TTC6: variants seen among roughly 807,000 people sequenced by gnomAD.
TTC6 encodes the protein tetratricopeptide repeat domain 6, also known as tetratricopeptide repeat protein 6.
A neutral mutation model predicts 210.4 loss-of-function variants in TTC6; 172 were observed. That is an observed-to-expected ratio of 0.82 (90% CI 0.72 to 0.93). The LOEUF is 0.93. Among genes scored for constraint, TTC6 ranks in the 40% least tolerant of loss-of-function variants. The pLI, the probability that TTC6 is intolerant of heterozygous loss-of-function variation, is 0.00. For missense variants in TTC6, 2,414 were observed against 2,318.1 expected (o/e 1.04, Z -0.85); for synonymous variants, 804 against 819.6 (o/e 0.98, Z 0.32).
intron 22 of TTC6, among the ~76,000 whole-genome samples, chr14:37,806,754 C>A (rs1284731876): frequency 1.3e-5 from 2 of 151,992 alleles, no homozygotes; most frequent in African/African-American, 4.8e-5. Flanking sequence ...ATTAATGTGG[C>A]TATTAATAAT....
At chr14:37,754,026 A>C (rs2095960361) in intron 14 of TTC6, among the ~76,000 whole-genome samples, 1 of 152,040 alleles carries the variant, frequency 6.6e-6, no homozygotes, top group African/African-American at 2.4e-5. Context: ...GTATATAATC[A>C]CGTCTACTGA....
intron 6 of TTC6, among the ~76,000 whole-genome samples, chr14:37,724,693 T>C (rs1398131241): frequency 6.6e-6 from 1 of 152,148 alleles, no homozygotes; most frequent in African/African-American, 2.4e-5. Flanking sequence ...TCTACAAATT[T>C]CCCCAAGTCC....
Position 37,622,282 on chromosome 14 carries a change from C to A in TTC6, c.218C>A (p.Ser73Ter). ...GTTTCCTGCGCCGCAGCCCGGACGT[C>A]GAGAAGATACCCTTCGCTTAAAGGC... Residue 73 changes from serine (S) to a stop codon, truncating the protein, a stop_gained, in exon 1 of 31, where the codon TCG becomes TAG. Coordinates refer to ENST00000553443, the Ensembl canonical transcript of TTC6. LOFTEE classifies it high-confidence loss of function. 1 of 1,535,036 alleles carries A rather than the reference C, an allele frequency of 6.5e-7. No individual in the cohort carries two copies. The highest frequency in any genetic ancestry group is 8.7e-7 in the Non-Finnish European group (1 of 1,146,358).
chr14:37,826,269 C>T (rs2096171258), exon 28 of TTC6: 1 of 1,612,728 alleles, frequency 6.2e-7, no homozygotes. Flanking sequence ...ACTACCTAGC[C>T]TATGAAGGAA....
chr14:37,793,665 TG>T (rs2096085694), intron 17 of TTC6, among the ~76,000 whole-genome samples: 1 of 152,232 alleles, frequency 6.6e-6, no homozygotes, highest in African/African-American at 2.4e-5. Context: ...TAAGACCATC[TG>T]CGGAAGTTGG....
chr14:37,675,022 C>G (rs971647006), intron 1 of TTC6, among the ~76,000 whole-genome samples: 1 of 151,852 alleles, frequency 6.6e-6, no homozygotes, highest in Non-Finnish European at 1.5e-5. Context: ...TGTTGTGTAC[C>G]TGCTATTTTC....
At chr14:37,738,576 AT>A (rs2095908398) in intron 9 of TTC6, among the ~76,000 whole-genome samples, 199 bp from the exon 12 acceptor site, 1 of 152,182 alleles carries the variant, frequency 6.6e-6, no homozygotes, top group Admixed American at 6.5e-5. Flanking sequence ...GACCAACCAA[AT>A]TATTGTACTT....
chr14:37,726,434 T>C (rs2095873189), intron 7 of TTC6, among the ~76,000 whole-genome samples: 1 of 152,202 alleles, frequency 6.6e-6, no homozygotes, highest in Non-Finnish European at 1.5e-5. Context: ...AATGTTAATA[T>C]TGAAATATCT....
intron 3 of TTC6, among the ~76,000 whole-genome samples, chr14:37,687,331 G>A (rs2095795909): frequency 6.6e-6 from 1 of 152,150 alleles, no homozygotes; most frequent in African/African-American, 2.4e-5. Context: ...TTCGGAGCTT[G>A]ATTTCTTAAA....
At chr14:37,599,341 C>T (rs1332169051) in intron 1 of TTC6, among the ~76,000 whole-genome samples, 1 of 152,216 alleles carries the variant, frequency 6.6e-6, no homozygotes, top group Non-Finnish European at 1.5e-5. Context: ...GCCCTGGGAC[C>T]ACTTGACGGG....
chr14:37,615,059 T>A (rs1472137783), intron 2 of TTC6, among the ~76,000 whole-genome samples: 2 of 152,182 alleles, frequency 1.3e-5, no homozygotes, highest in South Asian at 2.1e-4. Flanking sequence ...GGTTGACATT[T>A]AAAAAAAATC....
At chr14:37,610,309 C>G (rs1056464706) in intron 2 of TTC6, among the ~76,000 whole-genome samples, 2 of 152,188 alleles carry the variant, frequency 1.3e-5, no homozygotes, top group Admixed American at 1.3e-4. Context: ...CAGCACAGAT[C>G]TCATGGAGGA....
At chr14:37,749,160 A>G in exon 11 of TTC6, 1 of 1,535,386 alleles carries the variant, frequency 6.5e-7, no homozygotes, top group South Asian at 1.2e-5. Flanking sequence ...GAGAAAGATG[A>G]TAAAATATCA....
intron 14 of TTC6, among the ~76,000 whole-genome samples, chr14:37,775,104 G>A (rs189062833): frequency 1.3e-5 from 2 of 152,150 alleles, no homozygotes; most frequent in East Asian, 3.9e-4. Context: ...GATTGTGTCT[G>A]TTTGGATCTT....
chr14:37,703,799 T>C (rs2095830123), intron 5 of TTC6, among the ~76,000 whole-genome samples: 1 of 152,184 alleles, frequency 6.6e-6, no homozygotes, highest in African/African-American at 2.4e-5. Flanking sequence ...AAATATCTTG[T>C]ATTGGCCTTA....
In TTC6 at chr14:37,598,648, A is replaced by G. The variant is rs2095609208; in HGVS notation, c.-235+2640A>G. ...GGAGACGACGGCGAAAGGTGGAAGG[A>G]GAGGCCGCGGCCTCGGGCCTCGGGC... On this transcript the variant is annotated intron_variant, in intron 1 of 2. Transcript: ENST00000556845. The surrounding 1 kb of genome is among the most constrained non-coding windows in gnomAD (Gnocchi z 4.9). Among the ~76,000 whole-genome samples the G allele has an allele frequency of 6.6e-6, 1 of 152,132 alleles. No individual in the cohort carries two copies. The highest frequency in any genetic ancestry group is 6.5e-5 in the Admixed American group (1 of 15,276).
intron 5 of TTC6, among the ~76,000 whole-genome samples, chr14:37,708,366 A>G (rs1231155996): frequency 6.6e-6 from 1 of 152,102 alleles, no homozygotes; most frequent in Non-Finnish European, 1.5e-5. Flanking sequence ...GCATTGAAGT[A>G]CACTACATTT....
intron 26 of TTC6, among the ~76,000 whole-genome samples, chr14:37,817,917 T>A (rs2096146127): frequency 6.6e-6 from 1 of 152,116 alleles, no homozygotes; most frequent in African/African-American, 2.4e-5. Flanking sequence ...TTGGGCAGAG[T>A]TCACCTGATC....
At chr14:37,788,179 C>A (rs2096072175) in intron 15 of TTC6, among the ~76,000 whole-genome samples, 1 of 152,066 alleles carries the variant, frequency 6.6e-6, no homozygotes, top group South Asian at 2.1e-4. Context: ...TAAAAATGGC[C>A]ATTTCTGTGT....
Sources: gnomAD v4.1 joint callset for allele counts (sites outside exome capture counted in the v4.1 genomes callset) on GRCh38, gnomAD v4.1.1 for gene constraint, Gnocchi (gnomAD v3.1) non-coding constraint, MANE v1.5 for transcripts, NCBI Gene and HGNC (gene_info 2026-07-23, HGNC 2026-07-21) for gene names.